Variants in FHIP1A observed in about 807,000 individuals in gnomAD.
FHIP1A encodes FHF complex subunit HOOK interacting protein 1A.
In FHIP1A, 61 loss-of-function variants were observed where a neutral mutation model predicts 88.6. That is an observed-to-expected ratio of 0.69 (90% confidence interval 0.56 to 0.85). FHIP1A has a LOEUF of 0.85. FHIP1A is among the 40% of genes least tolerant of loss of function. The probability of loss-of-function intolerance (pLI) is 0.00; values close to 1 mark genes in which losing one functional copy is unlikely to be tolerated. For synonymous variants in FHIP1A, 478 were observed against 496.0 expected (o/e 0.96, Z 0.48); for missense variants, 1,154 against 1,273.5 (o/e 0.91, Z 1.43).
chr4:151,579,899 TTTTA>T (rs1733955941), intron 5 of FHIP1A, among the ~76,000 whole-genome samples: 1 of 152,236 alleles, frequency 6.6e-6, no homozygotes. Flanking sequence ...TATTTTATGC[TTTTA>T]TTTGTTTTTG....
At chr4:151,576,564 A>G (rs1296886433) in intron 4 of FHIP1A, among the ~76,000 whole-genome samples, 1 of 152,182 alleles carries the variant, frequency 6.6e-6, no homozygotes, top group Non-Finnish European at 1.5e-5. Flanking sequence ...TTGGCCTCCC[A>G]AAGTGCTTAA....
At chr4:151,514,735 C>T (rs1428806641) in intron 3 of FHIP1A, among the ~76,000 whole-genome samples, 3 of 151,728 alleles carry the variant, frequency 2.0e-5, no homozygotes, top group Non-Finnish European at 2.9e-5. Flanking sequence ...ACACATACAT[C>T]CTCCGAAGAC....
rs150984884 is a variant in FHIP1A at position 151,644,323 on chromosome 4, G to T, written c.1227-2235G>T. Among the ~76,000 whole-genome samples, 574 of 151,814 alleles carry T rather than the reference G, an allele frequency of 3.8e-3. 6 individuals carry two copies. The highest frequency in any genetic ancestry group is 0.013 in the South Asian group (60 of 4,798). On this transcript the variant is annotated intron_variant, in intron 9 of 13. Coordinates refer to ENST00000435205, the MANE Select transcript of FHIP1A (RefSeq NM_001109977.3). ...AAAAGTATCACTTATCACTTCTAGG[G>T]ATCACCAAGTGAGAAATCTTTTTTG...
rs1328217050 is a variant in FHIP1A at position 151,663,146 on chromosome 4, G to C, written c.*392G>C. 1 of 162,176 alleles carries C rather than the reference G, an allele frequency of 6.2e-6. No individual in the cohort carries two copies. Among genetic ancestry groups the C allele is most frequent in the Non-Finnish European group, 1.3e-5 (1 of 74,794 alleles). 10.0% of individuals were successfully genotyped at this position (162,176 alleles called of 1,614,324 possible). On this transcript the variant is annotated 3_prime_UTR_variant, in exon 14 of 14. Transcript: ENST00000435205. ...CCCATGTCAGAATTCCAGCTGTTCA[G>C]CAGCACAGGAAGATTGTACACCTGC...
chr4:151,605,252 G>A lies in FHIP1A; in HGVS notation c.978+16326G>A, dbSNP rs372196756. Reference sequence around the variant, plus strand: ...AGGGTAGGGTAGTCTTTTGTTTAGTGGGTTGTTTTGCTCCTTTTTAAAAAG... The same window carrying A: ...AGGGTAGGGTAGTCTTTTGTTTAGTAGGTTGTTTTGCTCCTTTTTAAAAAG... On this transcript the variant is annotated intron_variant, in intron 7 of 13. Coordinates refer to ENST00000435205, the MANE Select transcript of FHIP1A (RefSeq NM_001109977.3). 1.8e-4 allele frequency among the ~76,000 whole-genome samples: 27 copies of A among 152,206 alleles called. No homozygotes were observed. In the South Asian group the frequency reaches 3.7e-3, roughly 21 times the overall value.
At chr4:151,433,668 C>T (rs1287773850) in intron 1 of FHIP1A, among the ~76,000 whole-genome samples, 1 of 151,982 alleles carries the variant, frequency 6.6e-6, no homozygotes, top group Admixed American at 6.6e-5. Flanking sequence ...CAGGAACTTG[C>T]TCAAAGAGAG....
At chr4:151,556,828 A>C (rs1205840678) in intron 3 of FHIP1A, among the ~76,000 whole-genome samples, 1 of 152,090 alleles carries the variant, frequency 6.6e-6, no homozygotes, top group African/African-American at 2.4e-5. Context: ...TGGGTATCTC[A>C]CTGTGCTGAA....
At chr4:151,633,777 C>T (rs1434983300) in intron 8 of FHIP1A, among the ~76,000 whole-genome samples, 2 of 151,798 alleles carry the variant, frequency 1.3e-5, no homozygotes, top group East Asian at 3.9e-4. Context: ...AAGCACTCAA[C>T]AAACTAGAAA....
chr4:151,538,586 T>G (rs1359513221), intron 3 of FHIP1A, among the ~76,000 whole-genome samples: 1 of 152,232 alleles, frequency 6.6e-6, no homozygotes, highest in Non-Finnish European at 1.5e-5. Context: ...TTCTCCATGG[T>G]AAGTGAGCTC....
intron 3 of FHIP1A, among the ~76,000 whole-genome samples, chr4:151,552,730 C>G (rs1469588016): frequency 6.7e-6 from 1 of 150,146 alleles, no homozygotes; most frequent in South Asian, 2.1e-4. Context: ...ATGTAAATGA[C>G]GAATTAATGG....
At chr4:151,542,685 C>T (rs1418492900) in intron 3 of FHIP1A, among the ~76,000 whole-genome samples, 1 of 152,186 alleles carries the variant, frequency 6.6e-6, no homozygotes, top group Non-Finnish European at 1.5e-5. Context: ...TGTCATTACT[C>T]GGTTCCATGA....
chr4:151,654,857 G>A (rs564665395), intron 11 of FHIP1A, among the ~76,000 whole-genome samples: 12 of 152,270 alleles, frequency 7.9e-5, no homozygotes, highest in Middle Eastern at 3.4e-3. Context: ...TCTGCCTCCC[G>A]TCCCAAGGAT....
Position 151,663,801 on chromosome 4 carries a change from C to T in FHIP1A, c.*1047C>T, listed in dbSNP as rs1737563240. Among the ~76,000 whole-genome samples the T allele has an allele frequency of 6.6e-6, 1 of 152,130 alleles. No homozygotes were observed. The highest frequency in any genetic ancestry group is 1.5e-5 in the Non-Finnish European group (1 of 68,030). On this transcript the variant is annotated 3_prime_UTR_variant, in exon 14 of 14. Coordinates refer to ENST00000435205, the MANE Select transcript of FHIP1A (RefSeq NM_001109977.3). The stretch of plus-strand genomic sequence containing the variant: ...GGAACTGTACAGCCCACTTTGGGAC[C>T]TTGGATGTAAATGCAAACAGGTCAC...
At chr4:151,526,207 CT>C (rs1266344018) in intron 3 of FHIP1A, among the ~76,000 whole-genome samples, 3 of 150,516 alleles carry the variant, frequency 2.0e-5, no homozygotes, top group Non-Finnish European at 4.5e-5. Context: ...CTTCCCCACC[CT>C]TCCCCCCTTT....
At chr4:151,614,617 G>A (rs1049396982) in intron 7 of FHIP1A, among the ~76,000 whole-genome samples, 2 of 152,090 alleles carry the variant, frequency 1.3e-5, no homozygotes, top group African/African-American at 4.8e-5. Context: ...AGCAGGAATT[G>A]CACTGTTTTG....
At chr4:151,519,679 G>T (rs529262337) in intron 3 of FHIP1A, among the ~76,000 whole-genome samples, 1 of 152,182 alleles carries the variant, frequency 6.6e-6, no homozygotes, top group African/African-American at 2.4e-5. Context: ...CCCAGGAATG[G>T]AATGGCTTGA....
chr4:151,556,000 G>C (rs1375362889), intron 3 of FHIP1A, among the ~76,000 whole-genome samples: 2 of 152,032 alleles, frequency 1.3e-5, no homozygotes, highest in Non-Finnish European at 2.9e-5. Flanking sequence ...TAATAGAAAA[G>C]GTTGTGGCAG....
At chr4:151,436,612 A>G (rs1214947743) in intron 1 of FHIP1A, 1 of 152,152 alleles carries the variant, frequency 6.6e-6, no homozygotes, top group Non-Finnish European at 1.5e-5. Flanking sequence ...TGGTTCCAGG[A>G]CTTTTCCAGT....
At chr4:151,576,226 A>G (rs2126788193) in intron 4 of FHIP1A, among the ~76,000 whole-genome samples, 1 of 152,338 alleles carries the variant, frequency 6.6e-6, no homozygotes, top group East Asian at 1.9e-4. Flanking sequence ...TAGGGCTGTG[A>G]GGTGACCTAT....
Sources: allele counts gnomAD v4.1 joint callset (sites outside exome capture counted in the v4.1 genomes callset), GRCh38; gene constraint gnomAD v4.1.1; transcripts MANE v1.5; gene names NCBI Gene and HGNC (gene_info 2026-07-23, HGNC 2026-07-21).